SERPINF1: variants seen among roughly 807,000 people sequenced by gnomAD.
The protein encoded by SERPINF1 is pigment epithelium-derived factor.
In SERPINF1, 29 loss-of-function variants were observed where a neutral mutation model predicts 37.3. That is an observed-to-expected ratio of 0.78 (90% CI 0.58 to 1.06). The LOEUF (loss-of-function observed/expected upper bound fraction) is 1.06, where lower values mean the gene tolerates loss of function less well. SERPINF1 is among the 50% of genes least tolerant of loss of function. SERPINF1 has a pLI of 0.00. For synonymous variants in SERPINF1, 281 were observed against 227.9 expected, an observed-to-expected ratio of 1.23 and a Z score of -2.10; for missense variants, 553 against 532.2, an observed-to-expected ratio of 1.04 and a Z score of -0.38.
At chr17:1,769,135 C>T (rs1247783270) in intron 2 of SERPINF1, among the ~76,000 whole-genome samples, 1 of 151,656 alleles carries the variant, frequency 6.6e-6, no homozygotes, top group Non-Finnish European at 1.5e-5. Flanking sequence ...TGGGGCTGGG[C>T]GCGGTGGCTC....
At chr17:1,775,680 A>C (rs1907986160) in intron 6 of SERPINF1, among the ~76,000 whole-genome samples, 1 of 151,650 alleles carries the variant, frequency 6.6e-6, no homozygotes, top group Admixed American at 6.6e-5. Context: ...AGTAGCTGGG[A>C]TTACAGGCGT....
rs539840618 is a variant in SERPINF1, at chr17:1,771,060, C to T, written c.315C>T (p.His105=). 5.6e-6 allele frequency: 9 copies of T among 1,614,088 alleles called. No homozygotes were observed. In the South Asian group the frequency reaches 8.8e-5, roughly 16 times the overall value. The stretch of plus-strand genomic sequence containing the variant: ...AGCAGCGAACAGAATCCATCATTCA[C>T]CGGGCTCTCTACTATGACTTGATCA... ...GAEQRTESII[H]RALYYDLISS... The change falls in exon 4 of 8, where the codon CAC becomes CAT. Residue 105 remains histidine (H), a synonymous_variant. Coordinates refer to ENST00000254722, the MANE Select transcript of SERPINF1 (RefSeq NM_002615.7).
At chr17:1,774,623 T>C (rs558660884) in intron 5 of SERPINF1, among the ~76,000 whole-genome samples, 61 of 152,048 alleles carry the variant, frequency 4.0e-4, no homozygotes, top group Non-Finnish European at 7.6e-4. Context: ...TGAGTCACCG[T>C]GCCCGGCCAT....
At chr17:1,769,539 G>A (rs183238968) in intron 2 of SERPINF1, 102 of 445,856 alleles carry the variant, frequency 2.3e-4, no homozygotes, top group African/African-American at 1.8e-3. Context: ...CAGGAAAATC[G>A]CTTGAACCGG....
At chr17:1,770,819 A>G (rs1907681240) in intron 3 of SERPINF1, 1 of 589,008 alleles carries the variant, frequency 1.7e-6, no homozygotes, top group Non-Finnish European at 3.1e-6. Context: ...TCACTCCCTC[A>G]CTCCCACCTT....
In SERPINF1 at chr17:1,777,504, C is replaced by G. The variant is rs768459721; in HGVS notation, c.*58C>G. ...AAAACCCGAGGGACAGCAGATTCCACAGGACACGAAGGCTGCCCCTGTAAG... is the reference window on the plus strand; with the variant it reads ...AAAACCCGAGGGACAGCAGATTCCAGAGGACACGAAGGCTGCCCCTGTAAG... On this transcript the variant is annotated 3_prime_UTR_variant, in exon 8 of 8. Coordinates refer to ENST00000254722, the MANE Select transcript of SERPINF1 (RefSeq NM_002615.7). 6.2e-7 allele frequency: 1 copy of G among 1,609,510 alleles called. No individual in the cohort carries two copies. Among genetic ancestry groups the G allele is most frequent in the Admixed American group, 1.7e-5 (1 of 59,986 alleles).
chr17:1,777,480 A>G lies in SERPINF1; in HGVS notation c.*34A>G. The G allele has an allele frequency of 6.2e-7, 1 of 1,613,688 alleles. No homozygotes were observed. The highest frequency in any genetic ancestry group is 8.5e-7 in the Non-Finnish European group (1 of 1,180,010). On this transcript the variant is annotated 3_prime_UTR_variant, in exon 8 of 8. Coordinates refer to ENST00000254722, the MANE Select transcript of SERPINF1 (RefSeq NM_002615.7). ...TTTAATATTCCAATACCCTAGAAGA[A>G]AACCCGAGGGACAGCAGATTCCACA...
chr17:1,775,102 G>A lies in SERPINF1; in HGVS notation c.688G>A (p.Asp230Asn). The change falls in exon 6 of 8, where the codon GAT becomes AAT. Residue 230 changes from aspartate to asparagine, a missense_variant. Transcript: ENST00000254722. ...KFDSRKTSLEDFYLDEERTVR... is the reference protein window; with the variant it reads ...KFDSRKTSLENFYLDEERTVR... ...TGACTCCAGAAAGACTTCCCTCGAG[G>A]ATTTCTACTTGGATGAAGAGAGGAC... 6.2e-7 allele frequency: 1 copy of A among 1,614,056 alleles called. No homozygotes were observed. The highest frequency in any genetic ancestry group is 8.5e-7 in the Non-Finnish European group (1 of 1,180,006).
chr17:1,762,241 G>A (rs142408321), intron 1 of SERPINF1, 128 bp downstream of exon 1: 428 of 152,842 alleles, frequency 2.8e-3, no homozygotes, highest in Non-Finnish European at 5.2e-3. Flanking sequence ...GAGGAAATGC[G>A]GAGACAGCAG....
At chr17:1,771,551 T>C (rs1021202830) in intron 4 of SERPINF1, among the ~76,000 whole-genome samples, 1 of 151,720 alleles carries the variant, frequency 6.6e-6, no homozygotes, top group Non-Finnish European at 1.5e-5. Context: ...TTCTAAACAA[T>C]AGATCATGTG....
intron 1 of SERPINF1, among the ~76,000 whole-genome samples, chr17:1,766,031 G>A (rs1907346692): frequency 6.6e-6 from 1 of 152,214 alleles, no homozygotes; most frequent in Admixed American, 6.5e-5. Flanking sequence ...TTGAGAATTT[G>A]GAGGGACAGC....
At chr17:1,777,136 G>A in intron 7 of SERPINF1, 51 bp from the exon 8 acceptor site, 1 of 1,613,654 alleles carries the variant, frequency 6.2e-7, no homozygotes, top group Non-Finnish European at 8.5e-7. Flanking sequence ...CCCTTGGTTG[G>A]GGTGTTGGGG....
chr17:1,768,738 A>C (rs976474704), intron 2 of SERPINF1, among the ~76,000 whole-genome samples: 1 of 151,960 alleles, frequency 6.6e-6, no homozygotes, highest in African/African-American at 2.4e-5. Flanking sequence ...CGGCCTGCCA[A>C]AGTGCTGGGA....
rs1907844824 is a variant in SERPINF1, at chr17:1,773,137, G to A, written c.643+1062G>A. ...CTGCTTGTCATCAAATCCAAGGCAA[G>A]GCGTGAATGTCTATAGAGTGAGAGA... On this transcript the variant is annotated intron_variant, in intron 5 of 7. Transcript: ENST00000254722. Among the ~76,000 whole-genome samples, 3 of 152,206 alleles carry A rather than the reference G, an allele frequency of 2.0e-5. No homozygotes were observed. The South Asian group carries it at 6.2e-4, about 32-fold the overall frequency.
rs1256842254 is a variant in SERPINF1 at position 1,777,221 on chromosome 17, CAA to C, written c.1033_1034del (p.Lys345AspfsTer18). On this transcript the variant is annotated frameshift_variant, in exon 8 of 8. Coordinates refer to ENST00000254722, the MANE Select transcript of SERPINF1 (RefSeq NM_002615.7). LOFTEE classifies it high-confidence loss of function. The stretch of plus-strand genomic sequence containing the variant: ...CCTTGTTTGATTCACCAGACTTTAG[CAA>C]GATCACAGGCAAACCCATCAAGCTG... ...QSLFDSPDFS[K>X]ITGKPIKLTQ... 6.2e-7 allele frequency: 1 copy of C among 1,614,126 alleles called. No homozygotes were observed.
At chr17:1,770,452 C>CTTTTTTTTTTTTTTTTTTTTTTT (rs35913837) in intron 3 of SERPINF1, 1 of 160,518 alleles carries the variant, frequency 6.2e-6, no homozygotes, top group African/African-American at 2.8e-5. Context: ...ACAGAATAGT[C>CTTTTTTTTTTTTTTTTTTTTTTT]TTTTTTTTTT....
intron 2 of SERPINF1, among the ~76,000 whole-genome samples, chr17:1,768,397 C>G (rs1907515409): frequency 6.9e-6 from 1 of 145,108 alleles, no homozygotes. Context: ...CACCACTGCA[C>G]TCCAGCCTGG....
chr17:1,777,064 C>T (rs1908081533), intron 7 of SERPINF1, 123 bp from the exon 8 acceptor site: 6 of 1,489,824 alleles, frequency 4.0e-6, no homozygotes, highest in Non-Finnish European at 3.7e-6. Flanking sequence ...TCAGCTCAGA[C>T]CTCTTCAGGC....
At chr17:1,772,664 T>C (rs2151209721) in intron 5 of SERPINF1, among the ~76,000 whole-genome samples, 1 of 152,202 alleles carries the variant, frequency 6.6e-6, no homozygotes, top group African/African-American at 2.4e-5. Flanking sequence ...GTTCACACCA[T>C]TCTCCTGCCT....
Sources: allele counts gnomAD v4.1 joint callset (sites outside exome capture counted in the v4.1 genomes callset), GRCh38; gene constraint gnomAD v4.1.1; transcripts MANE v1.5; gene names NCBI Gene and HGNC (gene_info 2026-07-23, HGNC 2026-07-21).